The following OVCH1 variants were observed in gnomAD, a reference collection of about 807,000 sequenced individuals.
The protein encoded by OVCH1 is ovochymase 1, also known as ovochymase-1.
In OVCH1, 139 loss-of-function variants were observed where a neutral mutation model predicts 138.4. That is an observed-to-expected ratio of 1.00 (90% CI 0.87 to 1.16). The LOEUF is 1.16. Among genes scored for constraint, OVCH1 ranks in the 50% most tolerant of loss-of-function variants. OVCH1 has a pLI of 0.00. For missense variants in OVCH1, 1,367 were observed against 1,357.9 expected (o/e 1.01, Z -0.11); for synonymous variants, 453 against 467.8 (o/e 0.97, Z 0.41).
At chr12:29,417,965 G>T (rs1941054837) in intron 3 of OVCH1, among the ~76,000 whole-genome samples, 1 of 152,212 alleles carries the variant, frequency 6.6e-6, no homozygotes, top group Non-Finnish European at 1.5e-5. Context: ...CAAAAGGGAG[G>T]TGAAGCTACT....
chr12:29,421,489 A>G (rs983474322), intron 3 of OVCH1, among the ~76,000 whole-genome samples: 1 of 152,184 alleles, frequency 6.6e-6, no homozygotes, highest in Non-Finnish European at 1.5e-5. Context: ...TAATATATGC[A>G]TCTTTAGGAT....
At chr12:29,484,207 T>A (rs77505368) in intron 8 of OVCH1, among the ~76,000 whole-genome samples, 1,765 of 152,254 alleles carry the variant, frequency 0.012, 32 homozygotes, top group African/African-American at 0.041. Flanking sequence ...ATTCGTAAAA[T>A]GAGACTGAAG....
intron 18 of OVCH1, 65 bp downstream of exon 18, chr12:29,464,442 T>C (rs772567292): frequency 3.3e-6 from 5 of 1,517,338 alleles, no homozygotes; most frequent in Non-Finnish European, 3.6e-6. Flanking sequence ...CTTGATATCA[T>C]TTACATGACC....
rs1026120241 is a variant in OVCH1 at position 29,473,101 on chromosome 12, ACT to A, written c.1601_1602del (p.Glu534ValfsTer6). On this transcript the variant is annotated frameshift_variant and splice_region_variant, in exon 15 of 28. Coordinates refer to ENST00000318184, the Ensembl canonical transcript of OVCH1. LOFTEE classifies it high-confidence loss of function. Reference sequence around the variant, plus strand: ...AACTTTGGTTCAAATTTGTTTAAAGACTCTGTAGAAGAAAAAAAAATTAATTG... The same window carrying A: ...AACTTTGGTTCAAATTTGTTTAAAGACTGTAGAAGAAAAAAAAATTAATTG... The A allele has an allele frequency of 2.5e-6, 4 of 1,596,452 alleles. No individual in the cohort carries two copies. In the Admixed American group the frequency reaches 5.1e-5, roughly 20 times the overall value.
rs539855036 is a variant in OVCH1 at position 29,416,259 on chromosome 12, A to G, written c.*72-3534T>C. On this transcript the variant is annotated intron_variant and NMD_transcript_variant, in intron 3 of 4. Coordinates refer to the OVCH1 transcript ENST00000539117. ...GAAAAAATCTAGGGATGGACAAAGA[A>G]TACTTAGACTTGACACCAAAAGGAG... 5.3e-5 allele frequency among the ~76,000 whole-genome samples: 8 copies of G among 152,282 alleles called. No individual in the cohort carries two copies. The East Asian group carries it at 1.5e-3, about 29-fold the overall frequency.
intron 12 of OVCH1, 67 bp from the exon 13 acceptor site, chr12:29,476,366 C>G (rs1204822015): frequency 1.6e-5 from 21 of 1,292,678 alleles, no homozygotes; most frequent in Non-Finnish European, 2.4e-5. Flanking sequence ...AAAGGGTTTT[C>G]CTCTGTGTAT....
rs368882115 is a variant in OVCH1 at position 29,486,339 on chromosome 12, C to T, written c.902G>A (p.Arg301Gln). The T allele has an allele frequency of 4.1e-5, 66 of 1,612,188 alleles. No individual in the cohort carries two copies. Among genetic ancestry groups the T allele is most frequent in the East Asian group, 2.7e-4 (12 of 44,834 alleles). Reference sequence around the variant, plus strand: ...GCCCACTTTTGAGAGGGGTTGGCCCCGATCCAAACCTGTAAAAGGTATAAG... The same window carrying T: ...GCCCACTTTTGAGAGGGGTTGGCCCTGATCCAAACCTGTAAAAGGTATAAG... The change falls in exon 8 of 28, where the codon CGG (arginine) becomes CAG (glutamine). Residue 301 changes from arginine (R) to glutamine (Q), a missense_variant. Transcript: ENST00000318184.
intron 3 of OVCH1, among the ~76,000 whole-genome samples, chr12:29,422,266 A>G (rs1941115484): frequency 6.6e-6 from 1 of 152,188 alleles, no homozygotes; most frequent in Non-Finnish European, 1.5e-5. Context: ...TAGAGATGAA[A>G]TATGGAAGGA....
chr12:29,424,955 G>A (rs1361964733), downstream of OVCH1, among the ~76,000 whole-genome samples: 1 of 152,170 alleles, frequency 6.6e-6, no homozygotes, highest in East Asian at 1.9e-4. Flanking sequence ...GTGGTCATGA[G>A]AAGGCAACAT....
At chr12:29,441,879 C>T (rs1437128615) in intron 25 of OVCH1, among the ~76,000 whole-genome samples, 5 of 152,100 alleles carry the variant, frequency 3.3e-5, no homozygotes, top group South Asian at 2.1e-4. Flanking sequence ...AAATGCTCAC[C>T]GTCACTGGCC....
downstream of OVCH1, among the ~76,000 whole-genome samples, chr12:29,408,490 C>T: frequency 8.7e-6 from 1 of 115,004 alleles, no homozygotes; most frequent in African/African-American, 2.7e-5. Context: ...CCATCAATAC[C>T]TAATTTATTG....
At chr12:29,407,141 C>T in the OVCH1 span, among the ~76,000 whole-genome samples, 521 of 151,112 alleles carry the variant, frequency 3.4e-3, 4 homozygotes, top group Middle Eastern at 0.024. Flanking sequence ...TCGCCCACTT[C>T]TTGATGGGGT....
At chr12:29,427,563 G>A (rs1229892870), downstream of OVCH1, 2 of 1,551,296 alleles carry the variant, frequency 1.3e-6, no homozygotes, top group South Asian at 2.4e-5. Flanking sequence ...AGTGAGAATG[G>A]GCTGTGCCTA....
rs1941907448 is a variant in OVCH1, at chr12:29,455,053, C to T, written c.2438-120G>A. On this transcript the variant is annotated intron_variant, in intron 20 of 27. Coordinates refer to ENST00000318184, the Ensembl canonical transcript of OVCH1. ...AGAAACAAATCCAGGATTAAAGCAG[C>T]CTAAGGAAAAGTCAGTTTAACTCTA... The T allele has an allele frequency of 4.3e-6, 5 of 1,162,390 alleles. No individual in the cohort carries two copies. The East Asian group carries it at 1.0e-4, about 24-fold the overall frequency. The allele number at this position is 1,162,390 out of a possible 1,614,324, so 72.0% of individuals were successfully genotyped here.
At chr12:29,436,790 G>C (rs1941369550) in intron 26 of OVCH1, among the ~76,000 whole-genome samples, 2 of 152,316 alleles carry the variant, frequency 1.3e-5, no homozygotes, top group Admixed American at 1.3e-4. Context: ...CTGACTTCAG[G>C]AGTGAAGCTG....
chr12:29,439,413 G>T, exon 26 of OVCH1: 2 of 1,539,348 alleles, frequency 1.3e-6, no homozygotes, highest in Non-Finnish European at 1.7e-6. Context: ...CAGTATCATT[G>T]CCAGAGTTCC....
chr12:29,449,885 A>G (rs544574585), intron 22 of OVCH1, among the ~76,000 whole-genome samples: 24 of 152,214 alleles, frequency 1.6e-4, no homozygotes, highest in Non-Finnish European at 3.1e-4. Context: ...CTGATCTTTG[A>G]CAAACCTGAC....
the OVCH1 span, among the ~76,000 whole-genome samples, chr12:29,405,051 A>AAAAAACAAAAAAC: frequency 7.1e-6 from 1 of 140,480 alleles, no homozygotes. Flanking sequence ...AAAAAAAAAA[A>AAAAAACAAAAAAC]AAAAACAAAA....
intron 12 of OVCH1, 131 bp downstream of exon 12, chr12:29,476,970 TA>T (rs369497419): frequency 2.5e-3 from 2,573 of 1,041,884 alleles, no homozygotes; most frequent in South Asian, 3.7e-3. Context: ...CTTTTCAGAG[TA>T]AAAAAAAATG....
Sources: gnomAD v4.1 joint callset for allele counts (sites outside exome capture counted in the v4.1 genomes callset) on GRCh38, gnomAD v4.1.1 for gene constraint, MANE v1.5 for transcripts, NCBI Gene and HGNC (gene_info 2026-07-23, HGNC 2026-07-21) for gene names.